ATP6V1E1: variants seen among roughly 807,000 people sequenced by gnomAD.
ATP6V1E1 encodes the protein ATPase H+ transporting V1 subunit E1, also known as V-type proton ATPase subunit E 1.
Under a neutral mutation model 35.2 loss-of-function variants are expected in ATP6V1E1, and 21 were observed. The ratio of observed to expected loss-of-function variants is 0.60; its 90% CI spans 0.42 to 0.86. The LOEUF is 0.86. ATP6V1E1 is among the 40% of genes least tolerant of loss of function. The pLI, the probability that ATP6V1E1 is intolerant of heterozygous loss-of-function variation, is 0.00. For missense variants in ATP6V1E1, 183 were observed against 272.6 expected (o/e 0.67, Z 2.32); for synonymous variants, 83 against 87.8 (o/e 0.95, Z 0.30).
rs77804718 is a variant in ATP6V1E1 at position 17,607,810 on chromosome 22, T to C, written c.276+5002A>G. Among the ~76,000 whole-genome samples the C allele has an allele frequency of 5.4e-3, 822 of 152,300 alleles. 7 individuals carry two copies. The highest frequency in any genetic ancestry group is 0.019 in the African/African-American group (803 of 41,574). On this transcript the variant is annotated intron_variant, in intron 4 of 8. Transcript: ENST00000253413. ...ATATAAAAGTCTCTGGAAATGGGAA[T>C]GAACATCTGCATTTTAACAAGGTCC...
chr22:17,600,931 G>T (rs1337428417), intron 5 of ATP6V1E1, 161 bp downstream of exon 5: 4 of 561,762 alleles, frequency 7.1e-6, no homozygotes, highest in Non-Finnish European at 1.2e-5. Flanking sequence ...TTTTAGATAT[G>T]GTCAAGAGTG....
chr22:17,612,923 T>C, intron 3 of ATP6V1E1, 45 bp from the exon 4 acceptor site: 1 of 1,545,946 alleles, frequency 6.5e-7, no homozygotes, highest in Non-Finnish European at 8.8e-7. Context: ...AACTTAAAAC[T>C]GTAGAGAAAG....
At chr22:17,598,883 T>G (rs114409703) in intron 6 of ATP6V1E1, among the ~76,000 whole-genome samples, 252 of 152,288 alleles carry the variant, frequency 1.7e-3, no homozygotes, top group African/African-American at 5.9e-3. Context: ...TGCAGCAGCA[T>G]TATTCACAAC....
chr22:17,598,309 G>C (rs745644065), intron 6 of ATP6V1E1, 21 bp from the exon 7 acceptor site: 1 of 1,568,676 alleles, frequency 6.4e-7, no homozygotes. Flanking sequence ...AGAACACAAT[G>C]AGAGGTGTCA....
intron 3 of ATP6V1E1, 61 bp from the exon 4 acceptor site, chr22:17,612,939 G>A (rs562060523): frequency 6.1e-6 from 9 of 1,476,534 alleles, no homozygotes; most frequent in Admixed American, 4.0e-5. Flanking sequence ...GAAAGAATTC[G>A]AACTCCTGGG....
intron 4 of ATP6V1E1, among the ~76,000 whole-genome samples, chr22:17,608,408 C>T: frequency 6.6e-6 from 1 of 152,092 alleles, no homozygotes. Flanking sequence ...TTTTCTCTAG[C>T]CCATTTCTTT....
At chr22:17,601,238 C>T in intron 4 of ATP6V1E1, 57 bp from the exon 5 acceptor site, 5 of 1,435,580 alleles carry the variant, frequency 3.5e-6, no homozygotes, top group Non-Finnish European at 4.8e-6. Context: ...CGGCTCAGAA[C>T]CCACTGTGAG....
intron 2 of ATP6V1E1, 100 bp downstream of exon 2, chr22:17,619,361 T>C (rs1211470662): frequency 1.9e-6 from 2 of 1,033,300 alleles, no homozygotes; most frequent in Non-Finnish European, 2.9e-6. Context: ...ATCAGTCCGA[T>C]GCAATCTGTT....
At chr22:17,628,808 A>G (rs2057942907), upstream of ATP6V1E1, 4 of 847,276 alleles carry the variant, frequency 4.7e-6, no homozygotes, top group Admixed American at 9.0e-5. Context: ...GACCCTTCTC[A>G]GCCAATGGGA....
chr22:17,596,003 G>A (rs1792356308), intron 7 of ATP6V1E1, among the ~76,000 whole-genome samples: 1 of 151,990 alleles, frequency 6.6e-6, no homozygotes, highest in South Asian at 2.1e-4. Flanking sequence ...ATGGTGGCGG[G>A]TGCCTGTAGT....
intron 1 of ATP6V1E1, among the ~76,000 whole-genome samples, chr22:17,624,326 C>T (rs989918603): frequency 5.3e-5 from 8 of 152,214 alleles, no homozygotes; most frequent in African/African-American, 1.4e-4. Context: ...GAGGCTGAGG[C>T]GGGCAGATCA....
At chr22:17,602,389 T>A (rs1348902857) in intron 4 of ATP6V1E1, among the ~76,000 whole-genome samples, 1 of 149,984 alleles carries the variant, frequency 6.7e-6, no homozygotes, top group African/African-American at 2.5e-5. Context: ...GCTTTTTTTT[T>A]TCTTTGAGAC....
intron 4 of ATP6V1E1, among the ~76,000 whole-genome samples, chr22:17,607,394 G>A (rs943218489): frequency 2.0e-5 from 3 of 152,030 alleles, no homozygotes; most frequent in Non-Finnish European, 2.9e-5. Context: ...CTGACCTCAC[G>A]ATCTGCCTGC....
At chr22:17,625,193 C>G (rs948488333) in intron 1 of ATP6V1E1, among the ~76,000 whole-genome samples, 1 of 152,156 alleles carries the variant, frequency 6.6e-6, no homozygotes, top group Non-Finnish European at 1.5e-5. Flanking sequence ...AGAAGAAATA[C>G]CCACTCGTCT....
intron 2 of ATP6V1E1, among the ~76,000 whole-genome samples, chr22:17,616,211 G>A (rs1204493011): frequency 5.9e-5 from 9 of 152,130 alleles, no homozygotes; most frequent in Admixed American, 5.2e-4. Flanking sequence ...AGCTGGGCAT[G>A]GTGGCAGGGA....
intron 4 of ATP6V1E1, among the ~76,000 whole-genome samples, chr22:17,605,128 C>G (rs1251838072): frequency 2.1e-5 from 3 of 145,264 alleles, no homozygotes; most frequent in Non-Finnish European, 3.0e-5. Flanking sequence ...TCGCTTGAAC[C>G]CGGGTGGCGG....
In ATP6V1E1 at chr22:17,628,672, G is replaced by A. The variant is rs775087204; in HGVS notation, c.-37C>T. On this transcript the variant is annotated 5_prime_UTR_variant, in exon 1 of 9. Transcript: ENST00000253413. ...TGCTAGGCCGGTGAACAGTAGGCTC[G>A]AGTTTAGGTTTGAAAGGTGAGGTGA... The A allele has an allele frequency of 6.2e-7, 1 of 1,613,918 alleles. No homozygotes were observed.
At chr22:17,598,076 C>T in intron 7 of ATP6V1E1, 118 bp downstream of exon 7, 1 of 785,082 alleles carries the variant, frequency 1.3e-6, no homozygotes, top group Non-Finnish European at 2.1e-6. Flanking sequence ...CACCACAGCT[C>T]TAGCCTTGTG....
chr22:17,604,559 G>A (rs1381138971), intron 4 of ATP6V1E1, among the ~76,000 whole-genome samples: 18 of 145,208 alleles, frequency 1.2e-4, no homozygotes, highest in South Asian at 2.1e-4. Context: ...TCGCTTTGTC[G>A]CCCAGGCTGG....
Sources: allele counts gnomAD v4.1 joint callset (sites outside exome capture counted in the v4.1 genomes callset), GRCh38; gene constraint gnomAD v4.1.1; transcripts MANE v1.5; gene names NCBI Gene and HGNC (gene_info 2026-07-23, HGNC 2026-07-21).